The following AKAP19 variants were observed in gnomAD, a reference collection of about 807,000 sequenced individuals.
AKAP19 encodes the protein small A-kinase anchoring protein.
chr2:190,114,486 C>T, the AKAP19 span, among the ~76,000 whole-genome samples: 6 of 152,300 alleles, frequency 3.9e-5, no homozygotes, highest in East Asian at 5.8e-4. Flanking sequence ...GACGGAGTCT[C>T]GCTCTGTTGC....
At chr2:190,173,110 A>T in the AKAP19 span, among the ~76,000 whole-genome samples, 1 of 132,518 alleles carries the variant, frequency 7.5e-6, no homozygotes. Context: ...GAGAGACTCC[A>T]TCTCAAAAAA....
chr2:189,916,089 T>C, the AKAP19 span, among the ~76,000 whole-genome samples: 3 of 152,086 alleles, frequency 2.0e-5, no homozygotes, highest in African/African-American at 7.2e-5. Flanking sequence ...ATTTTTGAAG[T>C]CTTTTAAAAA....
chr2:189,973,048 C>T, the AKAP19 span, among the ~76,000 whole-genome samples: 2 of 152,132 alleles, frequency 1.3e-5, no homozygotes, highest in Non-Finnish European at 2.9e-5. Flanking sequence ...AGAGGGCATC[C>T]CTGTCTTGTG....
the AKAP19 span, among the ~76,000 whole-genome samples, chr2:190,198,557 A>C: frequency 6.9e-6 from 1 of 144,886 alleles, no homozygotes; most frequent in African/African-American, 2.6e-5. Context: ...ACTTGAACCC[A>C]GGAGGTCCAG....
chr2:190,001,470 T>C, the AKAP19 span, among the ~76,000 whole-genome samples: 1 of 152,220 alleles, frequency 6.6e-6, no homozygotes, highest in Admixed American at 6.5e-5. Context: ...GGGTGTGTGT[T>C]TGTTCCTTTG....
At chr2:190,158,809 C>T in the AKAP19 span, among the ~76,000 whole-genome samples, 1 of 152,180 alleles carries the variant, frequency 6.6e-6, no homozygotes, top group East Asian at 1.9e-4. Flanking sequence ...GGGCAGAAGC[C>T]TCACAGAAGC....
the AKAP19 span, among the ~76,000 whole-genome samples, chr2:189,968,734 G>A: frequency 2.6e-5 from 4 of 151,974 alleles, no homozygotes; most frequent in Admixed American, 6.6e-5. Flanking sequence ...ACTCCAAAAT[G>A]TTTAAGACAA....
chr2:190,109,210 A>C, the AKAP19 span, among the ~76,000 whole-genome samples: 2 of 152,214 alleles, frequency 1.3e-5, no homozygotes, highest in Non-Finnish European at 2.9e-5. Context: ...CTAGAAGTGA[A>C]AGAATTTGTG....
At chr2:190,200,068 TTG>T in the AKAP19 span, 1 of 1,614,082 alleles carries the variant, frequency 6.2e-7, no homozygotes, top group Non-Finnish European at 8.5e-7. Flanking sequence ...TCAGGATATC[TTG>T]TGTGATGCCT....
At chr2:190,117,381 A>G in the AKAP19 span, among the ~76,000 whole-genome samples, 1 of 152,086 alleles carries the variant, frequency 6.6e-6, no homozygotes, top group Non-Finnish European at 1.5e-5. Context: ...ATTAATATAG[A>G]CCCTGGCAAA....
the AKAP19 span, among the ~76,000 whole-genome samples, chr2:190,044,700 G>C: frequency 6.6e-6 from 1 of 152,142 alleles, no homozygotes; most frequent in Non-Finnish European, 1.5e-5. Context: ...TTTCTGTTAG[G>C]CTGCTGCAGT....
the AKAP19 span, among the ~76,000 whole-genome samples, chr2:190,038,922 C>T: frequency 6.1e-5 from 8 of 131,414 alleles, no homozygotes; most frequent in African/African-American, 2.4e-4. Context: ...TCTTCTTCTT[C>T]TTCTTCTTCT....
the AKAP19 span, chr2:189,930,603 G>A: frequency 3.6e-6 from 1 of 274,608 alleles, no homozygotes; most frequent in Non-Finnish European, 7.3e-6. Context: ...TTGAACCTGG[G>A]AGGCAGAGGT....
the AKAP19 span, among the ~76,000 whole-genome samples, chr2:190,196,650 T>C: frequency 6.6e-6 from 1 of 152,168 alleles, no homozygotes. Context: ...GTTATCTTCC[T>C]TTAAATGGTA....
chr2:190,003,176 C>T, the AKAP19 span, among the ~76,000 whole-genome samples: 1 of 152,012 alleles, frequency 6.6e-6, no homozygotes, highest in Non-Finnish European at 1.5e-5. Context: ...ATACTGACCT[C>T]TTTTTAGTTT....
the AKAP19 span, among the ~76,000 whole-genome samples, chr2:190,006,785 G>A: frequency 3.9e-5 from 6 of 152,118 alleles, no homozygotes; most frequent in Non-Finnish European, 7.4e-5. Context: ...TTGGGAGGCC[G>A]AGGTAGGCAG....
chr2:190,176,379 G>A, the AKAP19 span, among the ~76,000 whole-genome samples: 7 of 152,190 alleles, frequency 4.6e-5, no homozygotes, highest in East Asian at 5.8e-4. This position sits in a 1 kb window ranked among gnomAD's most constrained non-coding sequence, Gnocchi z 4.7. Context: ...ACAGAGTCTC[G>A]CACTGTCACC....
At chr2:190,044,322 G>A in the AKAP19 span, among the ~76,000 whole-genome samples, 1 of 152,152 alleles carries the variant, frequency 6.6e-6, no homozygotes, top group South Asian at 2.1e-4. Flanking sequence ...ATTGCTCAGT[G>A]CAATCAGCCC....
At chr2:190,123,712 T>A in the AKAP19 span, among the ~76,000 whole-genome samples, 1 of 152,122 alleles carries the variant, frequency 6.6e-6, no homozygotes, top group Non-Finnish European at 1.5e-5. Context: ...GATGGCTAAT[T>A]TTAGGAGCCA....
Sources: gnomAD v4.1 joint callset for allele counts (sites outside exome capture counted in the v4.1 genomes callset) on GRCh38, gnomAD v4.1.1 for gene constraint, Gnocchi (gnomAD v3.1) non-coding constraint, MANE v1.5 for transcripts, NCBI Gene and HGNC (gene_info 2026-07-23, HGNC 2026-07-21) for gene names.